Variants in NTNG2 observed in about 807,000 individuals in gnomAD.
NTNG2 encodes the protein netrin-G2.
NTNG2 carries 15 observed loss-of-function variants against 47.6 expected under a neutral mutation model. That is an observed-to-expected ratio of 0.32 (90% confidence interval 0.21 to 0.49). The LOEUF (loss-of-function observed/expected upper bound fraction) is 0.49, where lower values mean the gene tolerates loss of function less well. NTNG2 is among the 20% of genes least tolerant of loss of function. NTNG2 has a pLI of 0.99. For missense variants in NTNG2, 578 were observed against 764.6 expected (o/e 0.76, Z 2.88); for synonymous variants, 307 against 324.6 (o/e 0.95, Z 0.58).
At chr9:132,228,890 C>A (rs377281000) in intron 4 of NTNG2, among the ~76,000 whole-genome samples, 2 of 152,136 alleles carry the variant, frequency 1.3e-5, no homozygotes, top group Non-Finnish European at 2.9e-5. Context: ...TTGCCCCCTG[C>A]GCCTGGAGGG....
chr9:132,174,882 A>C (rs1836298288), intron 2 of NTNG2, among the ~76,000 whole-genome samples: 1 of 151,462 alleles, frequency 6.6e-6, no homozygotes, highest in Admixed American at 6.6e-5. Context: ...AGATCGTCCC[A>C]CTGCACTCCA....
At chr9:132,169,748 C>A (rs774391854) in intron 2 of NTNG2, among the ~76,000 whole-genome samples, 1 of 152,202 alleles carries the variant, frequency 6.6e-6, no homozygotes, top group Non-Finnish European at 1.5e-5. Context: ...TGCCGTGGTA[C>A]GTGCGGACAC....
Position 132,197,896 on chromosome 9 carries a change from C to G in NTNG2, c.214-70C>G, listed in dbSNP as rs996805477. ...CTCGGTTCGCAGGCAGGGGCTAGGC[C>G]GCGCAGAGGCTTCCCAGGCCATCCC... On this transcript the variant is annotated intron_variant, in intron 2 of 7. Coordinates refer to ENST00000393229, the MANE Select transcript of NTNG2 (RefSeq NM_032536.4). This position sits in a 1 kb window ranked among gnomAD's most constrained non-coding sequence, Gnocchi z 4.3. 4.1e-6 allele frequency: 6 copies of G among 1,475,260 alleles called. No homozygotes were observed. The African/African-American group carries it at 7.0e-5, about 17-fold the overall frequency. The allele number at this position is 1,475,260 out of a possible 1,614,324, so 91.4% of individuals were successfully genotyped here. A position where few individuals can be genotyped will look rare whatever the true frequency, so the allele number is the denominator to read the frequency against.
chr9:132,182,152 A>G lies in NTNG2; in HGVS notation c.213+15108A>G, dbSNP rs539064075. On this transcript the variant is annotated intron_variant, in intron 2 of 7. Coordinates refer to ENST00000393229, the MANE Select transcript of NTNG2 (RefSeq NM_032536.4). This position sits in a 1 kb window ranked among gnomAD's most constrained non-coding sequence, Gnocchi z 4.2. The stretch of plus-strand genomic sequence containing the variant: ...AGTTACTTGATAATTCACTTATTTC[A>G]TGTCTATTTGGCAGCGAGCGTGCTC... Among the ~76,000 whole-genome samples, 38 of 152,320 alleles carry G rather than the reference A, an allele frequency of 2.5e-4. No individual in the cohort carries two copies. Among genetic ancestry groups the G allele is most frequent in the African/African-American group, 9.1e-4 (38 of 41,564 alleles).
rs1394530239 is a variant in NTNG2 at position 132,163,973 on chromosome 9, C to T, written c.-484+1734C>T. ...GAAGATAAATTTTCCACGGAGAAAA[C>T]GATCCTCCGGGATGCAGCTTCTTAC... On this transcript the variant is annotated intron_variant, in intron 1 of 7. Coordinates refer to ENST00000393229, the MANE Select transcript of NTNG2 (RefSeq NM_032536.4). This position sits in a 1 kb window ranked among gnomAD's most constrained non-coding sequence, Gnocchi z 7.2. Among the ~76,000 whole-genome samples, 1 of 152,326 alleles carries T rather than the reference C, an allele frequency of 6.6e-6. No homozygotes were observed. The highest frequency in any genetic ancestry group is 2.1e-4 in the South Asian group (1 of 4,824).
intron 4 of NTNG2, among the ~76,000 whole-genome samples, chr9:132,227,413 C>G (rs1840858165): frequency 6.6e-6 from 1 of 152,234 alleles, no homozygotes; most frequent in Admixed American, 6.5e-5. Context: ...AACCCTTCGC[C>G]TTCTTGACCC....
At chr9:132,184,543 G>A (rs775640763) in intron 2 of NTNG2, among the ~76,000 whole-genome samples, 3 of 152,368 alleles carry the variant, frequency 2.0e-5, no homozygotes, top group Admixed American at 6.5e-5. Flanking sequence ...AGGCTGGAGG[G>A]AGAGCTGTAG....
intron 2 of NTNG2, among the ~76,000 whole-genome samples, chr9:132,172,149 G>T (rs1272486419): frequency 2.0e-5 from 3 of 152,130 alleles, no homozygotes; most frequent in African/African-American, 7.2e-5. Flanking sequence ...TCCTCCACCC[G>T]AATGCCTGCC....
At chr9:132,212,714 T>C (rs1247818881) in intron 3 of NTNG2, among the ~76,000 whole-genome samples, 1 of 152,202 alleles carries the variant, frequency 6.6e-6, no homozygotes, top group Non-Finnish European at 1.5e-5. Context: ...TCCTTCCCTC[T>C]AGTGCCCAAG....
chr9:132,162,123 G>A lies in NTNG2; in HGVS notation c.-600G>A. ...CGGCGCGGGGAAGGAGCAGCGGCTC[G>A]CAGCCCTCGGCCCGCGCCCCCACCC... On this transcript the variant is annotated 5_prime_UTR_variant, in exon 1 of 8. Transcript: ENST00000393229. The surrounding 1 kb of genome is among the most constrained non-coding windows in gnomAD (Gnocchi z 4.6). 6.6e-6 allele frequency: 1 copy of A among 150,844 alleles called. No individual in the cohort carries two copies. Among genetic ancestry groups the A allele is most frequent in the Non-Finnish European group, 1.5e-5 (1 of 67,314 alleles). The allele number at this position is 150,844 out of a possible 1,614,324, so 9.3% of individuals were successfully genotyped here.
intron 3 of NTNG2, among the ~76,000 whole-genome samples, chr9:132,224,099 C>T (rs6597562): frequency 0.57 from 86,204 of 152,084 alleles, 25,383 homozygotes; most frequent in African/African-American, 0.73. Flanking sequence ...TTCTTCTTTG[C>T]ACAACCCGTG....
chr9:132,229,185 G>A (rs541382983), intron 4 of NTNG2, among the ~76,000 whole-genome samples: 36 of 152,182 alleles, frequency 2.4e-4, no homozygotes, highest in Middle Eastern at 3.4e-3. Flanking sequence ...GGCTGGAGGC[G>A]CTGCTGTCCT....
intron 3 of NTNG2, among the ~76,000 whole-genome samples, chr9:132,212,563 G>A (rs567520959): frequency 6.6e-6 from 1 of 152,090 alleles, no homozygotes; most frequent in Non-Finnish European, 1.5e-5. Flanking sequence ...GCCAGGCTGC[G>A]CCAGGCGACC....
intron 3 of NTNG2, among the ~76,000 whole-genome samples, chr9:132,207,842 G>T (rs886865689): frequency 3.9e-5 from 6 of 152,206 alleles, no homozygotes; most frequent in African/African-American, 1.4e-4. Context: ...GGTGGCTCAC[G>T]CCTGTAACCC....
At position 132,231,007 on chromosome 9, in the gene NTNG2, G is replaced by A. The variant is rs1841176025; in HGVS notation, c.1054+412G>A. Among the ~76,000 whole-genome samples, 1 of 152,116 alleles carries A rather than the reference G, an allele frequency of 6.6e-6. No individual in the cohort carries two copies. Among genetic ancestry groups the A allele is most frequent in the Non-Finnish European group, 1.5e-5 (1 of 67,992 alleles). Reference sequence around the variant, plus strand: ...GAGAGCAGTCTCTCCTGCCAGTCAAGAGTGGGGTGACCTTCCCCCACCAGG... The same window carrying A: ...GAGAGCAGTCTCTCCTGCCAGTCAAAAGTGGGGTGACCTTCCCCCACCAGG... On this transcript the variant is annotated intron_variant, in intron 5 of 7. Coordinates refer to ENST00000393229, the MANE Select transcript of NTNG2 (RefSeq NM_032536.4). The surrounding 1 kb of genome is among the most constrained non-coding windows in gnomAD (Gnocchi z 4.1).
At chr9:132,189,310 T>C (rs1310972007) in intron 2 of NTNG2, among the ~76,000 whole-genome samples, 1 of 152,026 alleles carries the variant, frequency 6.6e-6, no homozygotes, top group Non-Finnish European at 1.5e-5. Context: ...CCTGGCCTCA[T>C]GGGAGCTTTC....
chr9:132,166,806 G>T lies in NTNG2; in HGVS notation c.-26G>T, dbSNP rs779919289. On this transcript the variant is annotated 5_prime_UTR_variant, in exon 2 of 8. Coordinates refer to ENST00000393229, the MANE Select transcript of NTNG2 (RefSeq NM_032536.4). ...CGCTGCCTCTCCAGGGCTTCTCTGG[G>T]CCGCGCCTCTGCAGACTGCGCAGCC... is the stretch of plus-strand genomic sequence containing the variant. The T allele has an allele frequency of 1.1e-5, 18 of 1,610,890 alleles. No homozygotes were observed. The Admixed American group carries it at 1.2e-4, about 10-fold the overall frequency.
At chr9:132,224,864 C>T (rs1288521518) in intron 3 of NTNG2, among the ~76,000 whole-genome samples, 2 of 152,180 alleles carry the variant, frequency 1.3e-5, no homozygotes, top group African/African-American at 4.8e-5. Flanking sequence ...CTTGTTTCAT[C>T]TGTACCTCTG....
intron 3 of NTNG2, among the ~76,000 whole-genome samples, chr9:132,210,262 T>A (rs765125921): frequency 3.3e-5 from 5 of 152,116 alleles, no homozygotes; most frequent in Non-Finnish European, 7.4e-5. Flanking sequence ...TAAAATGGGA[T>A]CCCGCTCTTG....
Sources: allele counts gnomAD v4.1 joint callset (sites outside exome capture counted in the v4.1 genomes callset), GRCh38; gene constraint gnomAD v4.1.1; non-coding constraint Gnocchi (gnomAD v3.1); transcripts MANE v1.5; gene names NCBI Gene and HGNC (gene_info 2026-07-23, HGNC 2026-07-21).